DYNC2I1: variants seen among roughly 807,000 people sequenced by gnomAD.
DYNC2I1 encodes the protein dynein 2 intermediate chain 1, also known as cytoplasmic dynein 2 intermediate chain 1.
In DYNC2I1, 89 loss-of-function variants were observed where a neutral mutation model predicts 133.4. That is an observed-to-expected ratio of 0.67 (90% CI 0.56 to 0.80). The LOEUF is 0.80. DYNC2I1 is among the 30% of genes least tolerant of loss of function. DYNC2I1 has a pLI of 0.00. For synonymous variants in DYNC2I1, 504 were observed against 484.3 expected, an observed-to-expected ratio of 1.04 and a Z score of -0.54; for missense variants, 1,291 against 1,314.5, an observed-to-expected ratio of 0.98 and a Z score of 0.28.
intron 1 of DYNC2I1, among the ~76,000 whole-genome samples, chr7:158,857,245 T>C (rs1841353596): frequency 6.6e-6 from 1 of 152,224 alleles, no homozygotes; most frequent in Admixed American, 6.5e-5. Flanking sequence ...TCTTGTTTCC[T>C]AATTCATTCA....
At chr7:158,958,478 G>A (rs774722970), downstream of DYNC2I1, among the ~76,000 whole-genome samples, 2 of 152,228 alleles carry the variant, frequency 1.3e-5, no homozygotes, top group Non-Finnish European at 2.9e-5. Context: ...ACGGATGCTC[G>A]TCCTGGCATC....
At chr7:158,842,161 T>G in the DYNC2I1 span, among the ~76,000 whole-genome samples, 1 of 152,222 alleles carries the variant, frequency 6.6e-6, no homozygotes, top group African/African-American at 2.4e-5. Flanking sequence ...CCTGAGTAGC[T>G]GGGACTGCAG....
At chr7:158,912,546 A>C (rs1042122628) in intron 12 of DYNC2I1, among the ~76,000 whole-genome samples, 1 of 151,814 alleles carries the variant, frequency 6.6e-6, no homozygotes, top group South Asian at 2.1e-4. Context: ...GTAGCCTTGA[A>C]CTCCTCGGAC....
At chr7:158,841,320 AC>A in the DYNC2I1 span, among the ~76,000 whole-genome samples, 1 of 150,220 alleles carries the variant, frequency 6.7e-6, no homozygotes, top group African/African-American at 2.5e-5. Context: ...AATTCTCCCC[AC>A]CTCACTCAGC....
intron 23 of DYNC2I1, among the ~76,000 whole-genome samples, chr7:158,935,734 C>G (rs74952190): frequency 0.012 from 1,848 of 152,252 alleles, 24 homozygotes; most frequent in Non-Finnish European, 0.017. Flanking sequence ...GAAATACACA[C>G]CAAATTTTGA....
At chr7:158,884,694 G>C in intron 6 of DYNC2I1, 75 bp downstream of exon 6, 1 of 1,514,424 alleles carries the variant, frequency 6.6e-7, no homozygotes, top group Admixed American at 1.9e-5. Context: ...TTTTCTTATT[G>C]GCTCCGATGA....
chr7:158,891,440 T>A, intron 8 of DYNC2I1, 107 bp downstream of exon 8: 4 of 1,225,040 alleles, frequency 3.3e-6, no homozygotes, highest in Non-Finnish European at 4.8e-6. Context: ...TATTGTCCCT[T>A]TCAGACAGCA....
At chr7:158,946,964 G>T (rs371511121), downstream of DYNC2I1, among the ~76,000 whole-genome samples, 13 of 152,346 alleles carry the variant, frequency 8.5e-5, no homozygotes, top group African/African-American at 3.1e-4. Context: ...CCTCCCCAAC[G>T]GCAGGGCTGC....
chr7:158,876,047 C>T (rs1314759874), intron 3 of DYNC2I1, among the ~76,000 whole-genome samples: 1 of 152,170 alleles, frequency 6.6e-6, no homozygotes, highest in Non-Finnish European at 1.5e-5. Context: ...TAAAGAAACA[C>T]CTGGGGCTGG....
At position 158,930,474 on chromosome 7, in the gene DYNC2I1, G is replaced by A. The variant is rs1850109399; in HGVS notation, c.2505G>A (p.Arg835=). Reference sequence around the variant, plus strand: ...TTTTAGGTCTGATGCCTGGAGGGAGGGTCAAGCTGGTACATAGTGCTCTGA... The same window carrying A: ...TTTTAGGTCTGATGCCTGGAGGGAGAGTCAAGCTGGTACATAGTGCTCTGA... The part of the protein sequence containing the change: ...ISDLGLMPGG[R]VKLVHSALIQ... Residue 835 remains arginine, a synonymous_variant, in exon 21 of 25, where the codon AGG becomes AGA. Transcript: ENST00000407559. The A allele has an allele frequency of 6.2e-7, 1 of 1,612,830 alleles. No homozygotes were observed. Among genetic ancestry groups the A allele is most frequent in the South Asian group, 1.1e-5 (1 of 90,606 alleles).
chr7:158,855,588 T>C (rs1196395652), upstream of DYNC2I1, among the ~76,000 whole-genome samples: 1 of 152,228 alleles, frequency 6.6e-6, no homozygotes, highest in East Asian at 1.9e-4. Context: ...CCGTCTGTGT[T>C]TAAATTATAA....
At chr7:158,906,658 A>T (rs1422979878) in intron 11 of DYNC2I1, among the ~76,000 whole-genome samples, 1 of 152,022 alleles carries the variant, frequency 6.6e-6, no homozygotes, top group Non-Finnish European at 1.5e-5. Flanking sequence ...GGGTTTCTCC[A>T]TGTTAGTCAG....
In DYNC2I1 at chr7:158,871,248, A is replaced by G. The variant is rs187908946; in HGVS notation, c.176A>G (p.Asp59Gly). 2,365 of 1,610,832 alleles carry G rather than the reference A, an allele frequency of 1.5e-3. 3 individuals are homozygous for G. The highest frequency in any genetic ancestry group is 1.9e-3 in the Non-Finnish European group (2,268 of 1,178,356). The change falls in exon 3 of 25, where the codon GAT becomes GGT. Residue 59 changes from aspartate (D) to glycine (G), a missense_variant. Coordinates refer to ENST00000407559, the MANE Select transcript of DYNC2I1 (RefSeq NM_018051.5). ...GAACATAAGGAGCCGAGGTGCAGGG[A>G]TCCCGACCAGGATGCCAGGAGCAGA... is the stretch of plus-strand genomic sequence containing the variant. The part of the protein sequence containing the change: ...LPEHKEPRCR[D>G]PDQDARSRDR...
chr7:158,902,527 T>C lies in DYNC2I1; in HGVS notation c.1289T>C (p.Ile430Thr), dbSNP rs1846353426. 1 of 1,614,036 alleles carries C rather than the reference T, an allele frequency of 6.2e-7. No individual in the cohort carries two copies. Among genetic ancestry groups the C allele is most frequent in the Non-Finnish European group, 8.5e-7 (1 of 1,179,894 alleles). ...QRAINAENER[I>T]GELSLKLFQK... ...GCTATTAATGCAGAAAATGAAAGGA[T>C]TGGCGAGTTATCTTTGAAACTGTTT... The change falls in exon 10 of 25, where the codon ATT becomes ACT. Residue 430 changes from isoleucine (I) to threonine (T), a missense_variant. Ile to Thr is a moderately conservative substitution (Grantham distance 89). Coordinates refer to ENST00000407559, the MANE Select transcript of DYNC2I1 (RefSeq NM_018051.5).
At chr7:158,856,887 G>A in intron 1 of DYNC2I1, 137 bp downstream of exon 1, 1 of 1,042,550 alleles carries the variant, frequency 9.6e-7, no homozygotes, top group Non-Finnish European at 1.2e-6. Context: ...GAGGAGCCGC[G>A]GTGCCTCCGA....
intron 4 of DYNC2I1, among the ~76,000 whole-genome samples, chr7:158,952,071 G>A (rs956945551): frequency 5.9e-5 from 9 of 152,196 alleles, no homozygotes; most frequent in African/African-American, 1.7e-4. Flanking sequence ...GCCATGGTAC[G>A]TGGCAAGGTC....
chr7:158,923,007 C>T (rs537789421), intron 16 of DYNC2I1, among the ~76,000 whole-genome samples: 18 of 152,300 alleles, frequency 1.2e-4, no homozygotes, highest in African/African-American at 3.6e-4. Context: ...AGTGTGCTGT[C>T]GCTCACAGCC....
chr7:158,851,879 G>C (rs1841067026), upstream of DYNC2I1, among the ~76,000 whole-genome samples: 1 of 152,116 alleles, frequency 6.6e-6, no homozygotes, highest in Admixed American at 6.6e-5. Flanking sequence ...AGCAGAATAG[G>C]TTCTTTCTTC....
downstream of DYNC2I1, among the ~76,000 whole-genome samples, chr7:158,947,358 G>A (rs532557175): frequency 3.3e-5 from 5 of 152,340 alleles, no homozygotes; most frequent in Admixed American, 1.3e-4. Context: ...GAAGTTTTGA[G>A]ACTGAGGTAA....
Sources: allele counts gnomAD v4.1 joint callset (sites outside exome capture counted in the v4.1 genomes callset), GRCh38; gene constraint gnomAD v4.1.1; transcripts MANE v1.5; gene names NCBI Gene and HGNC (gene_info 2026-07-23, HGNC 2026-07-21).